PCDH19: variants seen among roughly 807,000 people sequenced by gnomAD.
PCDH19 encodes protocadherin 19.
In PCDH19, 6 loss-of-function variants were observed where a neutral mutation model predicts 46.2. The ratio of observed to expected loss-of-function variants is 0.13; its 90% CI spans 0.07 to 0.26. The LOEUF (loss-of-function observed/expected upper bound fraction) is 0.26, where lower values mean the gene tolerates loss of function less well. Among genes scored for constraint, PCDH19 ranks in the 10% least tolerant of loss-of-function variants. The pLI is 1.00. For synonymous variants in PCDH19, 481 were observed against 415.7 expected (o/e 1.16, Z -1.91); for missense variants, 740 against 972.3 (o/e 0.76, Z 3.18).
Position 100,402,830 on chromosome X carries a change from C to A in PCDH19, c.2310G>T (p.Gly770=), listed in dbSNP as rs748321915. ...RGKRIAEYSY[G]HQKKSSKKKK... ...TCTTCTTGCTTGATTTCTTTTGATG[C>A]CCATAGGAGTACTCAGCAATTCTAT... The change falls in exon 3 of 6, where the codon GGG becomes GGT. Residue 770 remains glycine (G), a synonymous_variant. Transcript: ENST00000373034. 5.8e-6 allele frequency: 7 copies of A among 1,207,821 alleles called. No homozygotes were observed. In the East Asian group the frequency reaches 1.8e-4, roughly 31 times the overall value.
At chrX:100,379,942 G>A (rs1258072154) in intron 3 of PCDH19, among the ~76,000 whole-genome samples, 1 of 111,929 alleles carries the variant, frequency 8.9e-6, no homozygotes, top group Non-Finnish European at 1.9e-5. Context: ...CCATCGAGCA[G>A]TAACTGGAGG....
chrX:100,393,501 C>T (rs1457063392), intron 3 of PCDH19, among the ~76,000 whole-genome samples: 2 of 22,290 alleles, frequency 9.0e-5, no homozygotes, highest in Non-Finnish European at 1.8e-4. Flanking sequence ...CATACATACA[C>T]ACACACACAC....
At chrX:100,327,609 T>C (rs1925736351) in intron 5 of PCDH19, among the ~76,000 whole-genome samples, 1 of 112,172 alleles carries the variant, frequency 8.9e-6, no homozygotes, top group Non-Finnish European at 1.9e-5. Flanking sequence ...ATTAGCTAGA[T>C]AGTACATATA....
chrX:100,393,370 A>G (rs912663778), intron 3 of PCDH19, among the ~76,000 whole-genome samples: 1 of 110,650 alleles, frequency 9.0e-6, no homozygotes, highest in African/African-American at 3.3e-5. Context: ...CCAGCCGGCA[A>G]AGGCTCCATC....
intron 5 of PCDH19, among the ~76,000 whole-genome samples, chrX:100,310,880 T>A (rs4828017): frequency 9.1e-6 from 1 of 109,472 alleles, no homozygotes; most frequent in African/African-American, 3.3e-5. Flanking sequence ...AGAGACAAGA[T>A]CTCACTCTTG....
intron 3 of PCDH19, among the ~76,000 whole-genome samples, chrX:100,372,980 A>C (rs1389498863): frequency 8.9e-6 from 1 of 112,430 alleles, no homozygotes; most frequent in Admixed American, 9.4e-5. Flanking sequence ...TAACATCCTC[A>C]GTTCTCTTTC....
At chrX:100,322,122 C>T (rs1925510227) in intron 5 of PCDH19, among the ~76,000 whole-genome samples, 1 of 110,793 alleles carries the variant, frequency 9.0e-6, no homozygotes, top group Non-Finnish European at 1.9e-5. Flanking sequence ...CTTTTGGGTT[C>T]TTGGTAATGA....
intron 3 of PCDH19, among the ~76,000 whole-genome samples, chrX:100,388,732 G>GT (rs981481336): frequency 1.1e-4 from 12 of 105,881 alleles, no homozygotes; most frequent in South Asian, 8.1e-4. Flanking sequence ...TGCCATCACT[G>GT]TTTTTTTTTT....
At chrX:100,359,263 C>T (rs1217486673) in intron 3 of PCDH19, among the ~76,000 whole-genome samples, 1 of 111,902 alleles carries the variant, frequency 8.9e-6, no homozygotes, top group Non-Finnish European at 1.9e-5. Flanking sequence ...ACCTATGTTT[C>T]TCTGAGTGAT....
Position 100,402,715 on chromosome X carries a change from A to T in PCDH19, c.2425T>A (p.Ser809Thr), listed in dbSNP as rs1928226839. The T allele has an allele frequency of 1.7e-6, 2 of 1,210,758 alleles. No homozygotes were observed. The highest frequency in any genetic ancestry group is 3.0e-5 in the East Asian group (1 of 33,814). Reference sequence around the variant, plus strand: ...TGGTAGTCAAAATAGTTGAGGGAGGAGGTCAGGGAAGAGCAACTGACAACG... The same window carrying T: ...TGGTAGTCAAAATAGTTGAGGGAGGTGGTCAGGGAAGAGCAACTGACAACG... The part of the protein sequence containing the change: ...MNVVSCSSLT[S>T]SLNYFDYHQQ... The change falls in exon 3 of 6, where the codon TCC becomes ACC. Residue 809 changes from serine (S) to threonine (T), a missense_variant. Physicochemically the swap from Ser to Thr is moderately conservative, Grantham distance 58. Coordinates refer to ENST00000373034, the MANE Select transcript of PCDH19 (RefSeq NM_001184880.2).
chrX:100,341,520 T>C (rs891762304), intron 5 of PCDH19, among the ~76,000 whole-genome samples: 1 of 112,306 alleles, frequency 8.9e-6, no homozygotes, highest in Non-Finnish European at 1.9e-5. Flanking sequence ...TTGGTCTCAT[T>C]AGTGCTGTGT....
intron 5 of PCDH19, among the ~76,000 whole-genome samples, chrX:100,324,317 A>G (rs1287289975): frequency 1.8e-5 from 2 of 111,958 alleles, no homozygotes; most frequent in Non-Finnish European, 3.8e-5. Flanking sequence ...TTTTCATCCT[A>G]TGCTTCGTGG....
At chrX:100,306,537 C>T (rs1420405829) in intron 5 of PCDH19, among the ~76,000 whole-genome samples, 1 of 110,265 alleles carries the variant, frequency 9.1e-6, no homozygotes, top group Non-Finnish European at 1.9e-5. Context: ...AATGCAAACC[C>T]AGCACAAGAA....
chrX:100,296,412 G>A lies in PCDH19; in HGVS notation c.3312C>T (p.Gly1104=). 2.5e-6 allele frequency: 3 copies of A among 1,210,957 alleles called. No individual in the cohort carries two copies. The highest frequency in any genetic ancestry group is 1.8e-5 in the South Asian group (1 of 56,928). Residue 1104 remains glycine (G), a synonymous_variant, in exon 6 of 6, where the codon GGC becomes GGT. Transcript: ENST00000373034. ...GCTCAGCTTCAGAGGGACGAGTAGGGCCATTGTTGACATTGTTGACATACT... is the reference window on the plus strand; with the variant it reads ...GCTCAGCTTCAGAGGGACGAGTAGGACCATTGTTGACATTGTTGACATACT... ...LEQYVNNVNN[G]PTRPSEAEPR... is the part of the protein sequence containing the mutation.
At chrX:100,389,493 A>G (rs979640793) in intron 3 of PCDH19, among the ~76,000 whole-genome samples, 2 of 110,854 alleles carry the variant, frequency 1.8e-5, no homozygotes, top group Non-Finnish European at 3.8e-5. Context: ...AATTAACAAT[A>G]CTGTATTGTA....
chrX:100,306,273 T>A (rs1924942670), intron 5 of PCDH19, among the ~76,000 whole-genome samples: 2 of 111,774 alleles, frequency 1.8e-5, no homozygotes, highest in African/African-American at 6.5e-5. Context: ...TTCAAAACCA[T>A]GCAAATACAT....
intron 5 of PCDH19, among the ~76,000 whole-genome samples, chrX:100,299,259 G>A: frequency 8.9e-6 from 1 of 111,979 alleles, no homozygotes; most frequent in Middle Eastern, 4.6e-3. Flanking sequence ...CCAAGATTAA[G>A]ACTGATATTT....
intron 1 of PCDH19, among the ~76,000 whole-genome samples, chrX:100,406,141 C>T (rs1453176869): frequency 8.9e-6 from 1 of 111,818 alleles, no homozygotes; most frequent in Non-Finnish European, 1.9e-5. Flanking sequence ...CTCCCTCTCT[C>T]TCTCTCTGTT....
chrX:100,303,639 A>G (rs1924855323), intron 5 of PCDH19, among the ~76,000 whole-genome samples: 1 of 112,146 alleles, frequency 8.9e-6, no homozygotes, highest in Non-Finnish European at 1.9e-5. Flanking sequence ...TCATGAACCA[A>G]TGATACCAAG....
Sources: allele counts gnomAD v4.1 joint callset (sites outside exome capture counted in the v4.1 genomes callset), GRCh38; gene constraint gnomAD v4.1.1; transcripts MANE v1.5; gene names NCBI Gene and HGNC (gene_info 2026-07-23, HGNC 2026-07-21).